The following MBD5 variants were observed in gnomAD, a reference collection of about 807,000 sequenced individuals.
MBD5 encodes methyl-CpG binding domain protein 5.
MBD5 carries 13 observed loss-of-function variants against 117.3 expected under a neutral mutation model. The ratio of observed to expected loss-of-function variants is 0.11; its 90% CI spans 0.07 to 0.18. The LOEUF (loss-of-function observed/expected upper bound fraction) is 0.18. Among genes scored for constraint, MBD5 ranks in the 10% least tolerant of loss-of-function variants. MBD5 has a pLI of 1.00. For synonymous variants in MBD5, 727 were observed against 766.4 expected, an observed-to-expected ratio of 0.95 and a Z score of 0.85; for missense variants, 1,879 against 2,093.8, an observed-to-expected ratio of 0.90 and a Z score of 2.00.
intron 4 of MBD5, among the ~76,000 whole-genome samples, chr2:148,396,805 G>C (rs1401915007): frequency 1.3e-5 from 2 of 152,158 alleles, no homozygotes; most frequent in African/African-American, 4.8e-5. Context: ...CACAACTCCT[G>C]TCAACACCCA....
chr2:148,037,067 G>A (rs1694215615), intron 1 of MBD5, among the ~76,000 whole-genome samples: 1 of 151,910 alleles, frequency 6.6e-6, no homozygotes, highest in Non-Finnish European at 1.5e-5. Context: ...AAGACGTAGG[G>A]TTTTTATGTA....
chr2:148,060,063 ATGGCTTGAGTATATATACT>A (rs1351406148), intron 1 of MBD5, among the ~76,000 whole-genome samples: 1 of 132,194 alleles, frequency 7.6e-6, no homozygotes, highest in Non-Finnish European at 1.6e-5. Context: ...AAGCAGGTGG[ATGGCTTGAGTATATATACT>A]TCGCGAGCAC....
At chr2:148,134,398 C>T (rs539636698) in intron 1 of MBD5, among the ~76,000 whole-genome samples, 35 of 152,066 alleles carry the variant, frequency 2.3e-4, no homozygotes, top group Non-Finnish European at 4.0e-4. Flanking sequence ...TGCTTTTTAA[C>T]CCAATCTGAA....
intron 2 of MBD5, among the ~76,000 whole-genome samples, chr2:148,229,930 G>A (rs1209654121): frequency 6.6e-6 from 1 of 152,096 alleles, no homozygotes; most frequent in African/African-American, 2.4e-5. Context: ...TAGGCCATCT[G>A]GAGCTGGGAA....
At chr2:148,480,773 T>C (rs541966057) in intron 8 of MBD5, among the ~76,000 whole-genome samples, 2 of 152,240 alleles carry the variant, frequency 1.3e-5, no homozygotes, top group African/African-American at 2.4e-5. Context: ...TATGTTTTCT[T>C]ACCCTACTCT....
intron 1 of MBD5, among the ~76,000 whole-genome samples, chr2:148,154,467 G>A (rs1296017088): frequency 2.6e-5 from 4 of 152,072 alleles, no homozygotes; most frequent in African/African-American, 9.7e-5. Context: ...CACCCAGTTC[G>A]AGCATCCTGG....
chr2:148,090,489 C>G lies in MBD5; in HGVS notation c.-925+68805C>G, dbSNP rs145499359. Among the ~76,000 whole-genome samples, 7 of 152,126 alleles carry G rather than the reference C, an allele frequency of 4.6e-5. No homozygotes were observed. The East Asian group carries it at 1.4e-3, about 29-fold the overall frequency. On this transcript the variant is annotated intron_variant, in intron 1 of 13. Coordinates refer to ENST00000642680, the MANE Select transcript of MBD5 (RefSeq NM_001378120.1). ...CCAACGGCATATCAAAATGATAATA[C>G]ACCATGATAAAGTGGGGTTTCATAC...
chr2:148,454,395 A>G (rs1574441958), intron 4 of MBD5, among the ~76,000 whole-genome samples: 2 of 152,208 alleles, frequency 1.3e-5, no homozygotes, highest in African/African-American at 2.4e-5. Flanking sequence ...TTGGAATCCT[A>G]TATCTGCAAC....
intron 4 of MBD5, among the ~76,000 whole-genome samples, chr2:148,421,256 G>A (rs1312090254): frequency 6.6e-6 from 1 of 152,196 alleles, no homozygotes; most frequent in Non-Finnish European, 1.5e-5. Context: ...GTTGGACAGT[G>A]GGTGCAGCCC....
chr2:148,322,524 C>T (rs906076781), intron 3 of MBD5, among the ~76,000 whole-genome samples: 6 of 152,166 alleles, frequency 3.9e-5, no homozygotes, highest in Non-Finnish European at 8.8e-5. Context: ...CATATTCAGA[C>T]TCCTATTTTT....
At chr2:148,342,689 A>AT (rs1389100025) in intron 4 of MBD5, among the ~76,000 whole-genome samples, 11 of 152,024 alleles carry the variant, frequency 7.2e-5, no homozygotes, top group African/African-American at 2.7e-4. Context: ...ACTAGACACC[A>AT]TAGGGCTTAA....
chr2:148,436,847 C>G (rs1706170163), intron 4 of MBD5, among the ~76,000 whole-genome samples: 1 of 151,808 alleles, frequency 6.6e-6, no homozygotes, highest in Non-Finnish European at 1.5e-5. Flanking sequence ...ATGTGTTGTA[C>G]CAAAGTGTAA....
chr2:148,111,806 C>T (rs916869173), intron 1 of MBD5, among the ~76,000 whole-genome samples: 1 of 152,078 alleles, frequency 6.6e-6, no homozygotes, highest in South Asian at 2.1e-4. Flanking sequence ...TGCCTGAAAC[C>T]ACTGATAGTT....
rs776805857 is a variant in MBD5, at chr2:148,468,644, A to G, written c.701A>G (p.Asp234Gly). ...PASSGSQIYGDGSISPRTDPL... is the reference protein window; with the variant it reads ...PASSGSQIYGGGSISPRTDPL... ...TCATCAGGTTCCCAGATATATGGAG[A>G]TGGTTCAATCTCTCCAAGGACTGAC... The change falls in exon 8 of 14, where the codon GAT becomes GGT. Residue 234 changes from aspartate (D) to glycine (G), a missense_variant. Coordinates refer to ENST00000642680, the MANE Select transcript of MBD5 (RefSeq NM_001378120.1). 1 of 1,613,892 alleles carries G rather than the reference A, an allele frequency of 6.2e-7. No individual in the cohort carries two copies.
At chr2:148,050,367 G>C (rs1487625040) in intron 1 of MBD5, among the ~76,000 whole-genome samples, 2 of 152,016 alleles carry the variant, frequency 1.3e-5, no homozygotes, top group Non-Finnish European at 2.9e-5. Context: ...TTCCATTTTA[G>C]AGAAATGATT....
chr2:148,414,699 G>A (rs968561771), intron 4 of MBD5, among the ~76,000 whole-genome samples: 13 of 152,048 alleles, frequency 8.5e-5, no homozygotes, highest in African/African-American at 1.9e-4. Context: ...TAATGGAACC[G>A]CTTACCACTA....
chr2:148,143,856 T>C (rs1322302048), intron 1 of MBD5, among the ~76,000 whole-genome samples: 1 of 152,136 alleles, frequency 6.6e-6, no homozygotes, highest in African/African-American at 2.4e-5. Flanking sequence ...CTATCATTGA[T>C]GGACATTTGG....
chr2:148,027,888 T>C (rs1449664563), intron 1 of MBD5: 1 of 152,096 alleles, frequency 6.6e-6, no homozygotes, highest in African/African-American at 2.4e-5. Context: ...ATCCGAATAA[T>C]CAGTAGTGTG....
At chr2:148,086,104 T>C (rs1469086661) in intron 1 of MBD5, among the ~76,000 whole-genome samples, 1 of 152,244 alleles carries the variant, frequency 6.6e-6, no homozygotes, top group African/African-American at 2.4e-5. Flanking sequence ...TTCTGGGCTA[T>C]TGCATCATAT....
Sources: gnomAD v4.1 joint callset for allele counts (sites outside exome capture counted in the v4.1 genomes callset) on GRCh38, gnomAD v4.1.1 for gene constraint, MANE v1.5 for transcripts, NCBI Gene and HGNC (gene_info 2026-07-23, HGNC 2026-07-21) for gene names.